Variants in SLC38A10 observed in about 807,000 individuals in gnomAD.
SLC38A10 encodes the protein solute carrier family 38 member 10.
In SLC38A10, 53 loss-of-function variants were observed where a neutral mutation model predicts 81.0. The ratio of observed to expected loss-of-function variants is 0.65; its 90% CI spans 0.53 to 0.82. The LOEUF is 0.82. Ranked by LOEUF, SLC38A10 falls within the 40% of genes least tolerant of loss-of-function variation. SLC38A10 has a pLI of 0.00. For missense variants in SLC38A10, 1,471 were observed against 1,545.0 expected, an observed-to-expected ratio of 0.95 and a Z score of 0.80; for synonymous variants, 665 against 655.3, an observed-to-expected ratio of 1.01 and a Z score of -0.23.
chr17:81,294,122 C>T (rs2146964191), intron 1 of SLC38A10, among the ~76,000 whole-genome samples: 1 of 152,298 alleles, frequency 6.6e-6, no homozygotes, highest in South Asian at 2.1e-4. Context: ...CCTTCGCCTC[C>T]CAGGTTCAAG....
chr17:81,252,674 A>G lies in SLC38A10; in HGVS notation c.1466T>C (p.Val489Ala). The G allele has an allele frequency of 6.2e-7, 1 of 1,602,076 alleles. No individual in the cohort carries two copies. Among genetic ancestry groups the G allele is most frequent in the Non-Finnish European group, 8.5e-7 (1 of 1,177,734 alleles). Reference protein sequence around the residue: ...QLDRPGQGIAVPVGEAHRHEP... With the variant: ...QLDRPGQGIAAPVGEAHRHEP... The stretch of plus-strand genomic sequence containing the variant: ...GTGGCGGTGGGCCTCGCCCACAGGC[A>G]CAGCAATCCCTGCAAGGGCACGGGG... Residue 489 changes from valine (V) to alanine (A), a missense_variant, in exon 13 of 16, where the codon GTG (valine) becomes GCG (alanine). Val to Ala is a moderately conservative substitution (Grantham distance 64). Transcript: ENST00000374759.
Position 81,289,603 on chromosome 17 carries a change from G to A in SLC38A10, c.217+88C>T. 2.3e-6 allele frequency: 2 copies of A among 878,862 alleles called. No homozygotes were observed. The highest frequency in any genetic ancestry group is 3.2e-6 in the Non-Finnish European group (2 of 623,690). 54.4% of individuals were successfully genotyped at this position (878,862 alleles called of 1,614,324 possible). A position where few individuals can be genotyped will look rare whatever the true frequency, so the allele number is the denominator to read the frequency against. On this transcript the variant is annotated intron_variant, in intron 2 of 15. Transcript: ENST00000374759. The surrounding 1 kb of genome is among the most constrained non-coding windows in gnomAD (Gnocchi z 5.9). Reference sequence around the variant, plus strand: ...CCCTGCTATCCAAGGAATTCTTGAAGAATCAAGTAGAGTAAATAAATAAAT... The same window carrying A: ...CCCTGCTATCCAAGGAATTCTTGAAAAATCAAGTAGAGTAAATAAATAAAT...
In SLC38A10 at chr17:81,252,562, G is replaced by A. The variant is rs3803767; in HGVS notation, c.1578C>T (p.His526=). The A allele has an allele frequency of 0.08, 129,663 of 1,613,370 alleles. 5,560 individuals carry two copies. Among genetic ancestry groups the A allele is most frequent in the East Asian group, 0.13 (5,698 of 44,878 alleles). The change falls in exon 13 of 16, where the codon CAC becomes CAT. Residue 526 remains histidine, a synonymous_variant. Coordinates refer to ENST00000374759, the MANE Select transcript of SLC38A10 (RefSeq NM_001037984.3). ...VPEENKPPSR[H]AGGKAPGVQG... ...GGACCCCTGGAGCCTTTCCGCCCGC[G>A]TGTCTGGATGGAGGTTTGTTCTCTT...
chr17:81,274,540 G>T (rs552695122), intron 8 of SLC38A10, among the ~76,000 whole-genome samples: 8 of 152,232 alleles, frequency 5.3e-5, no homozygotes, highest in Admixed American at 1.3e-4. Context: ...CAGGCTCACA[G>T]ATCTCAGGCT....
At chr17:81,249,985 G>A (rs1382500712) in intron 14 of SLC38A10, 5 of 1,200,354 alleles carry the variant, frequency 4.2e-6, no homozygotes, top group Non-Finnish European at 5.4e-6. Context: ...TGTCCCTGGG[G>A]CAGGTGTGCC....
In SLC38A10 at chr17:81,279,025, G is replaced by A. The variant is rs117341939; in HGVS notation, c.626+1584C>T. On this transcript the variant is annotated intron_variant, in intron 6 of 15. Transcript: ENST00000374759. ...TCCACAGATGGGGGACATGCTGAGC[G>A]CTGGCCCATGGCCCCAGACGGAGCA... Among the ~76,000 whole-genome samples, 55 of 152,338 alleles carry A rather than the reference G, an allele frequency of 3.6e-4. No individual in the cohort carries two copies. The East Asian group carries it at 9.3e-3, about 26-fold the overall frequency.
At chr17:81,273,626 C>T (rs373775513) in intron 8 of SLC38A10, among the ~76,000 whole-genome samples, 2 of 152,152 alleles carry the variant, frequency 1.3e-5, no homozygotes, top group East Asian at 1.9e-4. Context: ...AAGTTCCTAT[C>T]GGCCTCAGGG....
chr17:81,272,126 G>A (rs148809727), intron 9 of SLC38A10, among the ~76,000 whole-genome samples: 2 of 150,430 alleles, frequency 1.3e-5, no homozygotes, highest in East Asian at 2.0e-4. Context: ...TCCTCCTCCC[G>A]GGTTCAAGTG....
At position 81,245,836 on chromosome 17, in the gene SLC38A10, G is replaced by A. The variant is rs777745077; in HGVS notation, c.3080C>T (p.Pro1027Leu). ...GGCATTGTCCGGCCTCTGGCCCCCC[G>A]GGACAGCTCGTTTGAGCCCCAGCTC... ...EPELGLKRAV[P>L]GGQRPDNAKP... Residue 1027 changes from proline to leucine, a missense_variant, in exon 16 of 16, where the codon CCG (proline) becomes CTG (leucine). Transcript: ENST00000374759. 59 of 1,611,720 alleles carry A rather than the reference G, an allele frequency of 3.7e-5. No homozygotes were observed. Among genetic ancestry groups the A allele is most frequent in the Admixed American group, 1.3e-4 (8 of 59,962 alleles).
Position 81,246,999 on chromosome 17 carries a change from C to T in SLC38A10, c.2128G>A (p.Val710Met). 1 of 1,605,372 alleles carries T rather than the reference C, an allele frequency of 6.2e-7. No individual in the cohort carries two copies. Among genetic ancestry groups the T allele is most frequent in the East Asian group, 2.2e-5 (1 of 44,874 alleles). Residue 710 changes from valine to methionine, a missense_variant, in exon 15 of 16, where the codon GTG becomes ATG. By Grantham distance (21) the Val-to-Met change is conservative. Around this residue, in one of 2 missense-constraint regions of SLC38A10, gnomAD observed 751 missense variants for 717.4 expected, o/e 1.05. Transcript: ENST00000374759. The stretch of plus-strand genomic sequence containing the variant: ...TGGTCCAGCAAGCGCTTTTGCTGCA[C>T]CTGCTGTTCTTTGATCACCTGAAGC... ...VLLQVIKEQQVQQKRLLDQQE... is the reference protein window; with the variant it reads ...VLLQVIKEQQMQQKRLLDQQE...
At chr17:81,263,257 G>A (rs2063039414) in intron 10 of SLC38A10, 1 of 152,326 alleles carries the variant, frequency 6.6e-6, no homozygotes, top group Non-Finnish European at 1.5e-5. Context: ...TGGAATCTTT[G>A]GGCTGGGACA....
Position 81,246,648 on chromosome 17 carries a change from T to C in SLC38A10, c.2268A>G (p.Ala756=). 2 of 1,509,994 alleles carry C rather than the reference T, an allele frequency of 1.3e-6. No homozygotes were observed. The highest frequency in any genetic ancestry group is 1.8e-6 in the Non-Finnish European group (2 of 1,131,304). 93.5% of individuals were successfully genotyped at this position (1,509,994 alleles called of 1,614,324 possible). Residue 756 remains alanine (A), a synonymous_variant, in exon 16 of 16, where the codon GCA becomes GCG. Transcript: ENST00000374759. ...GGGCCTCCTGGCCTCTGGGCACCGC[T>C]GCCCCGGGCTCTTGATGCACCTCCA... ...RQVEVHQEPG[A]AVPRGQEAPE...
At position 81,281,778 on chromosome 17, in the gene SLC38A10, A is replaced by AAAACAAAC. The variant is rs3065408; in HGVS notation, c.501+403_501+410dup. Among the ~76,000 whole-genome samples the AAAACAAAC allele has an allele frequency of 1.1e-3, 165 of 151,378 alleles. 1 individual carries two copies. The highest frequency in any genetic ancestry group is 3.8e-3 in the African/African-American group (156 of 41,060). ...GCGACAAAGTGAGACTCCGTCTCAA[A>AAAACAAAC]AAACAAACAAACAAACAAACAACAA... On this transcript the variant is annotated intron_variant, in intron 5 of 15. Coordinates refer to ENST00000374759, the MANE Select transcript of SLC38A10 (RefSeq NM_001037984.3). The surrounding 1 kb of genome is among the most constrained non-coding windows in gnomAD (Gnocchi z 5.3).
In SLC38A10 at chr17:81,246,350, C is replaced by T. The variant is rs2062851051; in HGVS notation, c.2566G>A (p.Glu856Lys). 6.2e-7 allele frequency: 1 copy of T among 1,606,290 alleles called. No homozygotes were observed. Among genetic ancestry groups the T allele is most frequent in the Admixed American group, 1.7e-5 (1 of 59,750 alleles). Residue 856 changes from glutamate (E) to lysine (K), a missense_variant, in exon 16 of 16, where the codon GAG becomes AAG. By Grantham distance (56) the Glu-to-Lys change is moderately conservative. Coordinates refer to ENST00000374759, the MANE Select transcript of SLC38A10 (RefSeq NM_001037984.3). Reference sequence around the variant, plus strand: ...GCGGGGTCTGGCACGGGCACCTGCTCCGGGCCCTTGGGGAGCTCCTTCACA... The same window carrying T: ...GCGGGGTCTGGCACGGGCACCTGCTTCGGGCCCTTGGGGAGCTCCTTCACA... ...GTVKELPKGP[E>K]QVPVPDPARE...
At chr17:81,275,710 C>A (rs1375376743) in intron 8 of SLC38A10, among the ~76,000 whole-genome samples, 1 of 126,670 alleles carries the variant, frequency 7.9e-6, no homozygotes, top group Non-Finnish European at 1.6e-5. Flanking sequence ...CCAGCCTGGG[C>A]GACAGAGCGA....
chr17:81,246,020 C>T lies in SLC38A10; in HGVS notation c.2896G>A (p.Asp966Asn). ...LRQPELRVIS[D>N]GEQGGQQGHR... Reference sequence around the variant, plus strand: ...CCCTGCTGTCCACCCTGCTCGCCATCAGAGATGACCCGCAGTTCCGGCTGG... The same window carrying T: ...CCCTGCTGTCCACCCTGCTCGCCATTAGAGATGACCCGCAGTTCCGGCTGG... Residue 966 changes from aspartate (D) to asparagine (N), a missense_variant, in exon 16 of 16, where the codon GAT (aspartate) becomes AAT (asparagine). Physicochemically the swap from Asp to Asn is conservative, Grantham distance 23. Coordinates refer to ENST00000374759, the MANE Select transcript of SLC38A10 (RefSeq NM_001037984.3). 1 of 1,610,260 alleles carries T rather than the reference C, an allele frequency of 6.2e-7. No homozygotes were observed. The highest frequency in any genetic ancestry group is 1.7e-5 in the Admixed American group (1 of 59,882).
intron 6 of SLC38A10, 138 bp downstream of exon 6, chr17:81,280,471 G>A: frequency 7.6e-7 from 1 of 1,309,212 alleles, no homozygotes; most frequent in Middle Eastern, 1.9e-4. Context: ...GGCGGGAAAG[G>A]TCATCACTGA....
chr17:81,260,715 C>A (rs1308360497), intron 10 of SLC38A10, among the ~76,000 whole-genome samples: 2 of 152,224 alleles, frequency 1.3e-5, no homozygotes, highest in African/African-American at 4.8e-5. Flanking sequence ...CAGCTGGGGT[C>A]ATGGGCCAAT....
intron 11 of SLC38A10, among the ~76,000 whole-genome samples, chr17:81,259,441 G>A (rs1297148374): frequency 3.3e-5 from 5 of 152,224 alleles, no homozygotes; most frequent in Admixed American, 3.3e-4. Context: ...GAAGGTCATC[G>A]TGGACAGCAC....
Sources: allele counts gnomAD v4.1 joint callset (sites outside exome capture counted in the v4.1 genomes callset), GRCh38; gene constraint gnomAD v4.1.1; regional missense constraint gnomAD v4.1.1; non-coding constraint Gnocchi (gnomAD v3.1); transcripts MANE v1.5; gene names NCBI Gene and HGNC (gene_info 2026-07-23, HGNC 2026-07-21).